COA6: variants seen among roughly 807,000 people sequenced by gnomAD.
COA6 encodes the protein cytochrome c oxidase assembly factor 6.
COA6 carries 12 observed loss-of-function variants against 17.1 expected under a neutral mutation model. The ratio of observed to expected loss-of-function variants is 0.70; its 90% CI spans 0.45 to 1.14. The LOEUF (loss-of-function observed/expected upper bound fraction) is 1.14, where lower values mean the gene tolerates loss of function less well. Among genes scored for constraint, COA6 ranks in the 50% most tolerant of loss-of-function variants. The pLI is 0.00. For missense variants in COA6, 246 were observed against 196.5 expected (o/e 1.25, Z -1.51); for synonymous variants, 90 against 73.4 (o/e 1.23, Z -1.16).
intron 2 of COA6, among the ~76,000 whole-genome samples, chr1:234,380,397 G>A (rs1658938936): frequency 6.6e-6 from 1 of 152,116 alleles, no homozygotes. Flanking sequence ...TATACAATAG[G>A]AACTAAGGTT....
intron 2 of COA6, among the ~76,000 whole-genome samples, chr1:234,381,304 G>A (rs923079398): frequency 2.0e-5 from 3 of 152,168 alleles, no homozygotes; most frequent in African/African-American, 7.2e-5. Context: ...TTAGAGAAAG[G>A]ACCGTGTGTT....
intron 2 of COA6, among the ~76,000 whole-genome samples, chr1:234,375,003 T>G (rs948055717): frequency 3.9e-5 from 6 of 152,046 alleles, no homozygotes; most frequent in African/African-American, 7.2e-5. Context: ...AAGATAGGTG[T>G]TGTTGGCTGG....
At chr1:234,382,734 G>C (rs555761007) in intron 2 of COA6, among the ~76,000 whole-genome samples, 13 of 152,310 alleles carry the variant, frequency 8.5e-5, no homozygotes, top group Non-Finnish European at 1.5e-4. Context: ...TCCAGGCTCA[G>C]TGTGGTGGCT....
At chr1:234,381,486 CA>C (rs970052442) in intron 2 of COA6, among the ~76,000 whole-genome samples, 7 of 152,282 alleles carry the variant, frequency 4.6e-5, no homozygotes, top group African/African-American at 1.7e-4. Flanking sequence ...AGAGGATGGA[CA>C]GGGGCGCAGG....
chr1:234,382,059 C>T (rs957362083), intron 2 of COA6, among the ~76,000 whole-genome samples: 1 of 152,180 alleles, frequency 6.6e-6, no homozygotes, highest in African/African-American at 2.4e-5. Flanking sequence ...AGGAAGACCA[C>T]ACACCAGAGA....
chr1:234,378,042 A>G (rs369921424), intron 2 of COA6, among the ~76,000 whole-genome samples: 1 of 152,234 alleles, frequency 6.6e-6, no homozygotes, highest in East Asian at 1.9e-4. Context: ...CTGGGGAAGG[A>G]GTATGACAGT....
intron 2 of COA6, among the ~76,000 whole-genome samples, chr1:234,382,246 G>A (rs183587346): frequency 2.6e-4 from 40 of 152,330 alleles, no homozygotes; most frequent in Non-Finnish European, 4.7e-4. Flanking sequence ...GAAGTTAAAA[G>A]ATTGAGTGTC....
intron 2 of COA6, among the ~76,000 whole-genome samples, chr1:234,377,119 C>CTTTTTT (rs1158866312): frequency 2.7e-4 from 11 of 40,858 alleles, no homozygotes; most frequent in Admixed American, 6.0e-4. Context: ...TCTGTCTCCT[C>CTTTTTT]TTTTTTTGTT....
At chr1:234,379,153 T>C (rs1658897955) in intron 2 of COA6, among the ~76,000 whole-genome samples, 1 of 151,780 alleles carries the variant, frequency 6.6e-6, no homozygotes, top group Admixed American at 6.6e-5. Flanking sequence ...GAGCTGGGAT[T>C]ATAGGTGTGA....
At chr1:234,378,117 G>C (rs1326186774) in intron 2 of COA6, among the ~76,000 whole-genome samples, 1 of 152,168 alleles carries the variant, frequency 6.6e-6, no homozygotes, top group East Asian at 1.9e-4. Context: ...CACGTGTTTT[G>C]TAAAAAGCGT....
In COA6 at chr1:234,377,133, T is replaced by TTTTTTTTTTGTTGTTGTTG. The variant is rs60899682; in HGVS notation, c.372+2746_372+2747insTTTTTTTGTTGTTGTTGTT. Among the ~76,000 whole-genome samples the TTTTTTTTTTGTTGTTGTTG allele has an allele frequency of 7.2e-4, 50 of 69,568 alleles. 12 individuals are homozygous for TTTTTTTTTTGTTGTTGTTG. Among genetic ancestry groups the TTTTTTTTTTGTTGTTGTTG allele is most frequent in the African/African-American group, 4.3e-3 (47 of 10,916 alleles). The allele number at this position is 69,568 out of a possible 152,430, so 45.6% of individuals were successfully genotyped here. A position where few individuals can be genotyped will look rare whatever the true frequency, so the allele number is the denominator to read the frequency against. On this transcript the variant is annotated intron_variant, in intron 2 of 2. Transcript: ENST00000366615. The stretch of plus-strand genomic sequence containing the variant: ...CTCTGTCTCCTCTTTTTTTGTTTTT[T>TTTTTTTTTTGTTGTTGTTG]TTGTTGTTGTTGAGACAGAGTCTCA...
intron 2 of COA6, among the ~76,000 whole-genome samples, chr1:234,377,133 T>TTTTTTTTTTTTTTTTTG (rs60899682): frequency 8.6e-5 from 6 of 69,570 alleles, no homozygotes; most frequent in African/African-American, 2.7e-4. Context: ...TTTTGTTTTT[T>TTTTTTTTTTTTTTTTTG]TTGTTGTTGT....
chr1:234,373,904 C>G lies in COA6; in HGVS notation c.212+226C>G, dbSNP rs920231397. 28 of 1,561,500 alleles carry G rather than the reference C, an allele frequency of 1.8e-5. No individual in the cohort carries two copies. In the East Asian group the frequency reaches 6.2e-4, roughly 34 times the overall value. ...CCGCTTTACTGGTGGGAAACGGGCT[C>G]GGAGAGAATAAATGAGCTGCCCTAA... On this transcript the variant is annotated intron_variant, in intron 1 of 2. Coordinates refer to ENST00000366615, the MANE Select transcript of COA6 (RefSeq NM_001206641.3).
At chr1:234,373,703 G>A (rs1481334620) in intron 1 of COA6, 25 bp downstream of exon 1, 2 of 1,613,594 alleles carry the variant, frequency 1.2e-6, no homozygotes, top group Admixed American at 1.7e-5. Flanking sequence ...GGGTCCGGGT[G>A]GGGCGCGCGT....
At chr1:234,376,808 C>T (rs2991959) in intron 2 of COA6, among the ~76,000 whole-genome samples, 2,560 of 152,266 alleles carry the variant, frequency 0.017, 34 homozygotes, top group Middle Eastern at 0.048. Flanking sequence ...GTCTTAAATG[C>T]CCGTGTTCAT....
At chr1:234,379,772 G>C (rs1267172704) in intron 2 of COA6, among the ~76,000 whole-genome samples, 1 of 152,144 alleles carries the variant, frequency 6.6e-6, no homozygotes, top group Non-Finnish European at 1.5e-5. Flanking sequence ...GCCAAACAAA[G>C]GGGGAAGAGC....
At chr1:234,377,789 C>T (rs1394736465) in intron 2 of COA6, among the ~76,000 whole-genome samples, 2 of 152,196 alleles carry the variant, frequency 1.3e-5, no homozygotes, top group African/African-American at 2.4e-5. Flanking sequence ...CCCAGCACAG[C>T]GGGGAGTGCG....
intron 2 of COA6, among the ~76,000 whole-genome samples, chr1:234,375,575 AAGAAG>A (rs1268711305): frequency 6.6e-6 from 1 of 152,230 alleles, no homozygotes; most frequent in Non-Finnish European, 1.5e-5. Flanking sequence ...AGGAGGCTAC[AAGAAG>A]GCTGTGATGC....
intron 2 of COA6, among the ~76,000 whole-genome samples, chr1:234,379,317 G>C (rs1470535879): frequency 6.6e-6 from 1 of 152,108 alleles, no homozygotes; most frequent in African/African-American, 2.4e-5. Flanking sequence ...TTGGCATTAA[G>C]TCCAAGAGGG....
Sources: allele counts gnomAD v4.1 joint callset (sites outside exome capture counted in the v4.1 genomes callset), GRCh38; gene constraint gnomAD v4.1.1; transcripts MANE v1.5; gene names NCBI Gene and HGNC (gene_info 2026-07-23, HGNC 2026-07-21).